Variants in DPP10 observed in about 807,000 individuals in gnomAD.
DPP10 encodes inactive dipeptidyl peptidase 10.
A neutral mutation model predicts 120.9 loss-of-function variants in DPP10; 33 were observed. That is an observed-to-expected ratio of 0.27 (90% CI 0.21 to 0.37). The LOEUF (loss-of-function observed/expected upper bound fraction) is 0.37. DPP10 is among the 10% of genes least tolerant of loss of function. The pLI is 1.00. For synonymous variants in DPP10, 337 were observed against 326.1 expected, an observed-to-expected ratio of 1.03 and a Z score of -0.36; for missense variants, 816 against 942.8, an observed-to-expected ratio of 0.87 and a Z score of 1.76.
At chr2:114,643,911 A>ATG (rs1352057200) in intron 1 of DPP10, among the ~76,000 whole-genome samples, 7 of 141,888 alleles carry the variant, frequency 4.9e-5, no homozygotes, top group African/African-American at 1.6e-4. Context: ...GTATATATAT[A>ATG]TGTGTGTGTA....
At chr2:114,979,082 A>G (rs1699928559) in intron 1 of DPP10, among the ~76,000 whole-genome samples, 1 of 152,102 alleles carries the variant, frequency 6.6e-6, no homozygotes, top group Admixed American at 6.6e-5. Context: ...AGTTTCATTG[A>G]TCTAACAGCT....
At chr2:114,615,777 A>G (rs1285312061) in intron 1 of DPP10, among the ~76,000 whole-genome samples, 1 of 152,134 alleles carries the variant, frequency 6.6e-6, no homozygotes, top group East Asian at 1.9e-4. Context: ...ATTAGTTTGG[A>G]TAGAAATTAT....
intron 19 of DPP10, among the ~76,000 whole-genome samples, chr2:115,800,303 T>G (rs1361782844): frequency 1.3e-5 from 2 of 151,942 alleles, no homozygotes; most frequent in African/African-American, 2.4e-5. Context: ...TCTTGTAAAT[T>G]TGTTTGAGTT....
At chr2:115,379,036 G>A (rs1339025820) in intron 3 of DPP10, among the ~76,000 whole-genome samples, 7 of 152,252 alleles carry the variant, frequency 4.6e-5, no homozygotes, top group Non-Finnish European at 7.4e-5. Context: ...TTCTCTGCCC[G>A]GCTTTGGTAT....
intron 3 of DPP10, among the ~76,000 whole-genome samples, chr2:115,439,197 T>C (rs2071784968): frequency 7.4e-6 from 1 of 134,520 alleles, no homozygotes; most frequent in East Asian, 2.3e-4. Flanking sequence ...GTGGCTAAGA[T>C]GGTCATGGGA....
chr2:115,102,274 A>G (rs2048727441), intron 1 of DPP10, among the ~76,000 whole-genome samples: 1 of 152,142 alleles, frequency 6.6e-6, no homozygotes, highest in Non-Finnish European at 1.5e-5. Context: ...TCATGACCAT[A>G]TATAAACCTA....
chr2:115,256,868 A>G (rs561066371), intron 1 of DPP10, among the ~76,000 whole-genome samples: 1 of 152,314 alleles, frequency 6.6e-6, no homozygotes, highest in South Asian at 2.1e-4. Flanking sequence ...TGCTTGTTAG[A>G]AGCAGCCAGG....
chr2:115,004,590 T>C (rs1418032578), intron 1 of DPP10, among the ~76,000 whole-genome samples: 2 of 152,070 alleles, frequency 1.3e-5, no homozygotes, highest in Non-Finnish European at 2.9e-5. Flanking sequence ...CCTTTCCTAA[T>C]CAAAGAAAGG....
chr2:114,969,769 C>T (rs541081919), intron 1 of DPP10, among the ~76,000 whole-genome samples: 3 of 152,126 alleles, frequency 2.0e-5, no homozygotes, highest in Non-Finnish European at 2.9e-5. Flanking sequence ...GCCGACTTTT[C>T]CTGTCATTGG....
At position 115,190,740 on chromosome 2, in the gene DPP10, G is replaced by A. The variant is rs185827494; in HGVS notation, c.61-118499G>A. Reference sequence around the variant, plus strand: ...GAGAGCTACCATACAGCTCATGCCCGGTCCGTGAGAGAACCGCCCAAGTGG... The same window carrying A: ...GAGAGCTACCATACAGCTCATGCCCAGTCCGTGAGAGAACCGCCCAAGTGG... On this transcript the variant is annotated intron_variant, in intron 1 of 25. Coordinates refer to ENST00000410059, the MANE Select transcript of DPP10 (RefSeq NM_020868.6). Among the ~76,000 whole-genome samples, 355 of 152,218 alleles carry A rather than the reference G, an allele frequency of 2.3e-3. 2 individuals carry two copies. The highest frequency in any genetic ancestry group is 8.3e-3 in the African/African-American group (346 of 41,528).
At chr2:114,480,129 A>G (rs1302211277) in intron 1 of DPP10, among the ~76,000 whole-genome samples, 1 of 152,136 alleles carries the variant, frequency 6.6e-6, no homozygotes, top group East Asian at 1.9e-4. Context: ...TGGCCATCAG[A>G]GAAATGCAAA....
At chr2:115,545,642 C>T (rs1414681845) in intron 5 of DPP10, among the ~76,000 whole-genome samples, 3 of 152,068 alleles carry the variant, frequency 2.0e-5, no homozygotes, top group Admixed American at 2.0e-4. Flanking sequence ...AAGTTTAATT[C>T]ATGTATTTGC....
At chr2:115,407,399 C>CT (rs1329015361) in intron 3 of DPP10, among the ~76,000 whole-genome samples, 3 of 152,154 alleles carry the variant, frequency 2.0e-5, no homozygotes, top group African/African-American at 4.8e-5. Context: ...GAAGACCAAT[C>CT]TTAACTGCTT....
chr2:114,587,175 C>T (rs1489236975), intron 1 of DPP10, among the ~76,000 whole-genome samples: 1 of 151,844 alleles, frequency 6.6e-6, no homozygotes, highest in Non-Finnish European at 1.5e-5. Flanking sequence ...GTGGCGCGTG[C>T]CTGTAATCCC....
chr2:114,531,969 T>C (rs1228504830), intron 1 of DPP10, among the ~76,000 whole-genome samples: 1 of 151,850 alleles, frequency 6.6e-6, no homozygotes, highest in African/African-American at 2.4e-5. Context: ...TGGGTAGGCG[T>C]CATCTAATCC....
chr2:114,494,696 T>G (rs1558811053), intron 1 of DPP10, among the ~76,000 whole-genome samples: 1 of 152,252 alleles, frequency 6.6e-6, no homozygotes, highest in East Asian at 1.9e-4. Context: ...ACCATGGCTT[T>G]GGAGTAGCTG....
rs564482969 is a variant in DPP10, at chr2:114,542,228, A to C, written c.60+99390A>C. 2.1e-3 allele frequency among the ~76,000 whole-genome samples: 325 copies of C among 151,886 alleles called. 1 individual carries two copies. The highest frequency in any genetic ancestry group is 7.6e-3 in the African/African-American group (313 of 41,436). On this transcript the variant is annotated intron_variant, in intron 1 of 25. Coordinates refer to ENST00000410059, the MANE Select transcript of DPP10 (RefSeq NM_020868.6). ...ATGCCTGGCTAATTTTTGTATTTAC[A>C]GTAGAGATGGGGTTTCACCATGTTG...
At chr2:114,532,811 C>T (rs1010543081) in intron 1 of DPP10, among the ~76,000 whole-genome samples, 3 of 152,138 alleles carry the variant, frequency 2.0e-5, no homozygotes, top group African/African-American at 4.8e-5. Flanking sequence ...GATGAGTCTC[C>T]TCTAGGCATG....
chr2:114,717,113 C>T (rs1033543194), intron 1 of DPP10, among the ~76,000 whole-genome samples: 2 of 152,166 alleles, frequency 1.3e-5, no homozygotes, highest in Admixed American at 6.5e-5. Context: ...TATATCTTAA[C>T]TTAAAATTGT....
Sources: gnomAD v4.1 joint callset for allele counts (sites outside exome capture counted in the v4.1 genomes callset) on GRCh38, gnomAD v4.1.1 for gene constraint, MANE v1.5 for transcripts, NCBI Gene and HGNC (gene_info 2026-07-23, HGNC 2026-07-21) for gene names.